The following ATP6V1C2 variants were observed in gnomAD, a reference collection of about 807,000 sequenced individuals.
ATP6V1C2 encodes V-type proton ATPase subunit C 2.
A neutral mutation model predicts 56.8 loss-of-function variants in ATP6V1C2; 45 were observed. The ratio of observed to expected loss-of-function variants is 0.79; its 90% confidence interval spans 0.62 to 1.02. The LOEUF (loss-of-function observed/expected upper bound fraction) is 1.02, where lower values mean the gene tolerates loss of function less well. Ranked by LOEUF, ATP6V1C2 falls within the 50% of genes least tolerant of loss-of-function variation. The pLI is 0.00. For synonymous variants in ATP6V1C2, 220 were observed against 201.3 expected (o/e 1.09, Z -0.79); for missense variants, 463 against 519.7 (o/e 0.89, Z 1.06).
intron 3 of ATP6V1C2, among the ~76,000 whole-genome samples, chr2:10,743,896 A>G (rs1290356149): frequency 6.6e-6 from 1 of 151,842 alleles, no homozygotes; most frequent in Non-Finnish European, 1.5e-5. Context: ...GAGGCAGGAG[A>G]ATAGCTGGAA....
intron 8 of ATP6V1C2, among the ~76,000 whole-genome samples, chr2:10,772,957 C>T (rs11678336): frequency 0.064 from 9,715 of 152,300 alleles, 911 homozygotes; most frequent in African/African-American, 0.21. Flanking sequence ...CAGCCCTGGC[C>T]TAAGTGGCTG....
intron 7 of ATP6V1C2, 152 bp from the exon 8 acceptor site, chr2:10,772,390 C>G (rs1572602761): frequency 1.1e-5 from 8 of 725,010 alleles, no homozygotes; most frequent in Non-Finnish European, 2.0e-5. Context: ...CCCATGGGAA[C>G]AGCAGACCTC....
At chr2:10,755,282 C>T (rs994712402) in intron 4 of ATP6V1C2, among the ~76,000 whole-genome samples, 15 of 151,624 alleles carry the variant, frequency 9.9e-5, no homozygotes, top group Admixed American at 8.5e-4. Context: ...GTGATCCGCC[C>T]GCCCTGGTCT....
rs146257627 is a variant in ATP6V1C2 at position 10,784,488 on chromosome 2, G to A, written c.*1225G>A. ...CTGACCTTCGTACCTATGATTATAC[G>A]GATGGAAAAGCTCAGAACTCAGGTG... On this transcript the variant is annotated 3_prime_UTR_variant, in exon 14 of 14. Coordinates refer to ENST00000272238, the MANE Select transcript of ATP6V1C2 (RefSeq NM_001039362.2). The A allele has an allele frequency of 1.8e-4, 101 of 563,176 alleles. No homozygotes were observed. The highest frequency in any genetic ancestry group is 1.5e-3 in the African/African-American group (78 of 53,204). 34.9% of individuals were successfully genotyped at this position (563,176 alleles called of 1,614,324 possible).
intron 3 of ATP6V1C2, among the ~76,000 whole-genome samples, chr2:10,737,611 A>C (rs1042040644): frequency 6.6e-6 from 1 of 152,138 alleles, no homozygotes; most frequent in Non-Finnish European, 1.5e-5. Context: ...ACTATCAATG[A>C]ATGTCATATT....
In ATP6V1C2 at chr2:10,763,249, C is replaced by T. The variant is rs1028225151; in HGVS notation, c.284-1082C>T. Among the ~76,000 whole-genome samples, 8 of 152,274 alleles carry T rather than the reference C, an allele frequency of 5.3e-5. No individual in the cohort carries two copies. The highest frequency in any genetic ancestry group is 2.1e-4 in the South Asian group (1 of 4,826). On this transcript the variant is annotated intron_variant, in intron 4 of 13. Transcript: ENST00000272238. The surrounding 1 kb of genome is among the most constrained non-coding windows in gnomAD (Gnocchi z 4.2). Reference sequence around the variant, plus strand: ...CCTGACACCCGGCGCCCTCCATCACCGGCCACACGGCCACCTCCTCTTCCC... The same window carrying T: ...CCTGACACCCGGCGCCCTCCATCACTGGCCACACGGCCACCTCCTCTTCCC...
At chr2:10,736,347 C>G (rs1191522316) in intron 3 of ATP6V1C2, among the ~76,000 whole-genome samples, 1 of 152,160 alleles carries the variant, frequency 6.6e-6, no homozygotes, top group East Asian at 1.9e-4. Flanking sequence ...TACTGTTGCT[C>G]TGTTAGTTTT....
chr2:10,763,967 C>T lies in ATP6V1C2; in HGVS notation c.284-364C>T, dbSNP rs1048310364. Among the ~76,000 whole-genome samples the T allele has an allele frequency of 6.6e-6, 1 of 152,214 alleles. No individual in the cohort carries two copies. The highest frequency in any genetic ancestry group is 1.5e-5 in the Non-Finnish European group (1 of 68,030). Reference sequence around the variant, plus strand: ...GAAAAAAAGGAAATGCTTGAAAACACTGGTGTGGTCTGTTCCCCAGAGACT... The same window carrying T: ...GAAAAAAAGGAAATGCTTGAAAACATTGGTGTGGTCTGTTCCCCAGAGACT... On this transcript the variant is annotated intron_variant, in intron 4 of 13. Coordinates refer to ENST00000272238, the MANE Select transcript of ATP6V1C2 (RefSeq NM_001039362.2). This position sits in a 1 kb window ranked among gnomAD's most constrained non-coding sequence, Gnocchi z 4.2.
rs753128068 is a variant in ATP6V1C2 at position 10,778,606 on chromosome 2, G to A, written c.998G>A (p.Ser333Asn). 1.0e-4 allele frequency: 161 copies of A among 1,614,136 alleles called. 2 individuals are homozygous for A. In the South Asian group the frequency reaches 1.7e-3, roughly 17 times the overall value. ...CTGCGCTGGCTCAAGGTGAACTTCA[G>A]TGAAGCCTTCATTGCCTGGATCCAC... ...PLLRWLKVNF[S>N]EAFIAWIHIK... The change falls in exon 12 of 14, where the codon AGT becomes AAT. Residue 333 changes from serine to asparagine, a missense_variant. Transcript: ENST00000272238.
intron 4 of ATP6V1C2, among the ~76,000 whole-genome samples, chr2:10,756,013 G>A (rs1663533857): frequency 6.6e-6 from 1 of 152,218 alleles, no homozygotes; most frequent in South Asian, 2.1e-4. Flanking sequence ...AATATCTGTA[G>A]AGATAATTAA....
chr2:10,754,461 A>C (rs897668176), intron 4 of ATP6V1C2, among the ~76,000 whole-genome samples: 1 of 152,056 alleles, frequency 6.6e-6, no homozygotes, highest in Non-Finnish European at 1.5e-5. Context: ...CCCAACCTCA[A>C]GTGATCTGCC....
intron 3 of ATP6V1C2, among the ~76,000 whole-genome samples, chr2:10,731,416 G>A (rs1000337393): frequency 6.6e-6 from 1 of 152,194 alleles, no homozygotes; most frequent in African/African-American, 2.4e-5. Context: ...GACTTGATCC[G>A]GAAATGTTGA....
chr2:10,731,135 G>T (rs1386849606), intron 3 of ATP6V1C2, among the ~76,000 whole-genome samples: 1 of 151,840 alleles, frequency 6.6e-6, no homozygotes, highest in Non-Finnish European at 1.5e-5. Flanking sequence ...TTTTTGTAGA[G>T]ACAAGGTCTT....
chr2:10,729,908 G>A (rs1305928037), intron 3 of ATP6V1C2, among the ~76,000 whole-genome samples: 1 of 152,200 alleles, frequency 6.6e-6, no homozygotes, highest in African/African-American at 2.4e-5. Flanking sequence ...CTGCTGGGCT[G>A]CAGTGCTGGG....
chr2:10,741,720 C>A (rs958686908), intron 3 of ATP6V1C2, among the ~76,000 whole-genome samples: 1 of 151,934 alleles, frequency 6.6e-6, no homozygotes, highest in Non-Finnish European at 1.5e-5. Flanking sequence ...CTGTGCACTC[C>A]ATTTCCTCAG....
At chr2:10,731,413 T>C (rs554074507) in intron 3 of ATP6V1C2, among the ~76,000 whole-genome samples, 13 of 152,298 alleles carry the variant, frequency 8.5e-5, no homozygotes, top group African/African-American at 2.6e-4. Context: ...AGTGACTTGA[T>C]CCGGAAATGT....
Position 10,784,315 on chromosome 2 carries a change from C to A in ATP6V1C2, c.*1052C>A. 6.2e-7 allele frequency: 1 copy of A among 1,613,054 alleles called. No individual in the cohort carries two copies. The highest frequency in any genetic ancestry group is 8.5e-7 in the Non-Finnish European group (1 of 1,179,710). ...CCACATCACTGAGGTCAATGTCATC[C>A]TCCACGGGAAGCTGGGAGACGACAG... On this transcript the variant is annotated 3_prime_UTR_variant, in exon 14 of 14. Coordinates refer to ENST00000272238, the MANE Select transcript of ATP6V1C2 (RefSeq NM_001039362.2).
intron 3 of ATP6V1C2, among the ~76,000 whole-genome samples, chr2:10,744,669 CTTT>C (rs772851204): frequency 2.6e-4 from 33 of 125,540 alleles, no homozygotes; most frequent in Admixed American, 8.8e-4. Flanking sequence ...TTCTCTTTTT[CTTT>C]TTTTTTTTTT....
chr2:10,743,352 G>T (rs1662671459), intron 3 of ATP6V1C2, among the ~76,000 whole-genome samples: 1 of 150,010 alleles, frequency 6.7e-6, no homozygotes, highest in Non-Finnish European at 1.5e-5. Flanking sequence ...TGATCCTCCT[G>T]TCTTGGCCTC....
Sources: allele counts gnomAD v4.1 joint callset (sites outside exome capture counted in the v4.1 genomes callset), GRCh38; gene constraint gnomAD v4.1.1; non-coding constraint Gnocchi (gnomAD v3.1); transcripts MANE v1.5; gene names NCBI Gene and HGNC (gene_info 2026-07-23, HGNC 2026-07-21).